ROR1: variants seen among roughly 807,000 people sequenced by gnomAD.
ROR1 encodes ROR family WNT receptor 1.
In ROR1, 19 loss-of-function variants were observed where a neutral mutation model predicts 78.8. The observed-to-expected ratio is 0.24, with a 90% confidence interval of 0.17 to 0.35. ROR1 has a LOEUF of 0.35. ROR1 is among the 10% of genes least tolerant of loss of function. The probability of loss-of-function intolerance (pLI) is 1.00; values close to 1 mark genes in which losing one functional copy is unlikely to be tolerated. For synonymous variants in ROR1, 386 were observed against 433.6 expected (o/e 0.89, Z 1.36); for missense variants, 917 against 1,177.8 (o/e 0.78, Z 3.24).
intron 1 of ROR1, chr1:63,843,497 G>C (rs967504786): frequency 4.0e-6 from 3 of 756,982 alleles, no homozygotes; most frequent in African/African-American, 1.7e-5. Flanking sequence ...AGGGGTCGTC[G>C]ATGGTCTGGC....
At chr1:64,071,586 C>CACACACACACACAG (rs1283379959) in intron 4 of ROR1, among the ~76,000 whole-genome samples, 1 of 112,394 alleles carries the variant, frequency 8.9e-6, no homozygotes, top group African/African-American at 3.0e-5. Flanking sequence ...CACACAGACA[C>CACACACACACACAG]ACACACACAC....
chr1:63,875,334 C>T (rs574335174), intron 1 of ROR1, among the ~76,000 whole-genome samples: 15 of 152,248 alleles, frequency 9.9e-5, no homozygotes, highest in African/African-American at 3.1e-4. Context: ...ATCTGAAGTG[C>T]AGTTAGTTTT....
At chr1:63,991,500 T>C (rs898880792) in intron 1 of ROR1, among the ~76,000 whole-genome samples, 5 of 152,222 alleles carry the variant, frequency 3.3e-5, no homozygotes, top group African/African-American at 1.2e-4. Flanking sequence ...GCATTTGGAA[T>C]GATGCCACAC....
intron 1 of ROR1, among the ~76,000 whole-genome samples, chr1:63,927,733 C>A (rs1039759056): frequency 1.3e-5 from 2 of 152,108 alleles, no homozygotes; most frequent in African/African-American, 4.8e-5. Flanking sequence ...AAAGCCCCAT[C>A]CCTTTTCAGA....
intron 4 of ROR1, among the ~76,000 whole-genome samples, chr1:64,068,051 A>G (rs1646973259): frequency 6.6e-6 from 1 of 152,168 alleles, no homozygotes; most frequent in Non-Finnish European, 1.5e-5. Context: ...TTGAAAAGCA[A>G]CACTGAATTT....
chr1:64,051,461 AT>A (rs56306553), intron 4 of ROR1, among the ~76,000 whole-genome samples: 94,045 of 141,758 alleles, frequency 0.66, 33,328 homozygotes, highest in East Asian at 0.85. Context: ...AAAATAAAAA[AT>A]AAAATAAAAT....
intron 4 of ROR1, among the ~76,000 whole-genome samples, chr1:64,125,838 C>T (rs1648694884): frequency 6.6e-6 from 1 of 152,108 alleles, no homozygotes; most frequent in Non-Finnish European, 1.5e-5. Flanking sequence ...ATAGAGTGCG[C>T]TTTTATAAAC....
chr1:63,843,387 A>C, intron 1 of ROR1: 1 of 770,778 alleles, frequency 1.3e-6, no homozygotes. Context: ...CCAGAAGATA[A>C]ACACCAGGTC....
intron 4 of ROR1, among the ~76,000 whole-genome samples, chr1:64,133,424 G>A (rs1018177018): frequency 6.6e-6 from 1 of 152,180 alleles, no homozygotes; most frequent in African/African-American, 2.4e-5. Flanking sequence ...CTGCCGCACT[G>A]TTCCACGATC....
chr1:63,844,242 C>A (rs1231414308), intron 1 of ROR1, among the ~76,000 whole-genome samples: 1 of 152,168 alleles, frequency 6.6e-6, no homozygotes, highest in African/African-American at 2.4e-5. Context: ...ACTTTAAGAT[C>A]TGGCTACATG....
chr1:63,825,155 C>T (rs925470664), intron 1 of ROR1, among the ~76,000 whole-genome samples: 1 of 152,124 alleles, frequency 6.6e-6, no homozygotes, highest in Non-Finnish European at 1.5e-5. Flanking sequence ...TAGCATATGA[C>T]CCAGGAGCTC....
At chr1:64,128,006 G>C (rs1648774536) in intron 4 of ROR1, among the ~76,000 whole-genome samples, 1 of 152,138 alleles carries the variant, frequency 6.6e-6, no homozygotes, top group Non-Finnish European at 1.5e-5. Flanking sequence ...GGCTCTCAGT[G>C]AGGGGCAGCT....
chr1:64,105,815 A>G (rs188084404), intron 4 of ROR1: 117 of 152,164 alleles, frequency 7.7e-4, no homozygotes, highest in African/African-American at 2.7e-3. Flanking sequence ...CCATTGGTCT[A>G]TATGTTTGTT....
chr1:63,947,915 A>G (rs1645903448), intron 1 of ROR1, among the ~76,000 whole-genome samples: 1 of 152,126 alleles, frequency 6.6e-6, no homozygotes, highest in South Asian at 2.1e-4. Flanking sequence ...TAATAATAAT[A>G]TTATGTTGCT....
intron 1 of ROR1, among the ~76,000 whole-genome samples, chr1:63,832,368 T>C (rs958298992): frequency 6.6e-6 from 1 of 152,190 alleles, no homozygotes; most frequent in African/African-American, 2.4e-5. Context: ...GACTGGGTAA[T>C]GTATAAGCAA....
At chr1:64,108,320 C>G (rs1286355185) in intron 4 of ROR1, 2 of 138,744 alleles carry the variant, frequency 1.4e-5, no homozygotes, top group East Asian at 4.5e-4. Flanking sequence ...TCACTTGAAC[C>G]TGGGAGGCAG....
At chr1:64,070,493 T>A (rs574431847) in intron 4 of ROR1, among the ~76,000 whole-genome samples, 42 of 152,250 alleles carry the variant, frequency 2.8e-4, no homozygotes, top group African/African-American at 8.4e-4. Context: ...AATTTTTTTT[T>A]ATTTTTTATA....
At chr1:63,800,658 G>A (rs748519125) in intron 1 of ROR1, among the ~76,000 whole-genome samples, 27 of 152,336 alleles carry the variant, frequency 1.8e-4, no homozygotes, top group Non-Finnish European at 3.7e-4. Context: ...TTACCTGGGA[G>A]CTTGCTGGAA....
intron 2 of ROR1, 39 bp from the exon 3 acceptor site, chr1:64,049,652 T>C (rs950499520): frequency 6.3e-7 from 1 of 1,584,212 alleles, no homozygotes; most frequent in Non-Finnish European, 8.6e-7. Flanking sequence ...CCTCTCAAGC[T>C]GTCTGCCCCT....
Sources: allele counts gnomAD v4.1 joint callset (sites outside exome capture counted in the v4.1 genomes callset), GRCh38; gene constraint gnomAD v4.1.1; transcripts MANE v1.5; gene names NCBI Gene and HGNC (gene_info 2026-07-23, HGNC 2026-07-21).